ARFGEF1: variants seen among roughly 807,000 people sequenced by gnomAD.
ARFGEF1 encodes the protein ARF guanine nucleotide exchange factor 1, also known as brefeldin A-inhibited guanine nucleotide-exchange protein 1.
Under a neutral mutation model 231.0 loss-of-function variants are expected in ARFGEF1, and 42 were observed. The observed-to-expected ratio is 0.18, with a 90% CI of 0.14 to 0.24. ARFGEF1 has a LOEUF of 0.24. Ranked by LOEUF, ARFGEF1 falls within the 10% of genes least tolerant of loss-of-function variation. The probability of loss-of-function intolerance (pLI) is 1.00; values close to 1 mark genes in which losing one functional copy is unlikely to be tolerated. For missense variants in ARFGEF1, 1,345 were observed against 2,192.0 expected, an observed-to-expected ratio of 0.61 and a Z score of 7.72; for synonymous variants, 710 against 732.3, an observed-to-expected ratio of 0.97 and a Z score of 0.49.
intron 9 of ARFGEF1, among the ~76,000 whole-genome samples, chr8:67,275,565 TAC>T (rs1158501961): frequency 6.6e-6 from 1 of 152,096 alleles, no homozygotes; most frequent in Non-Finnish European, 1.5e-5. Context: ...AGGGCTGGGA[TAC>T]AGGGTTACAT....
intron 1 of ARFGEF1, among the ~76,000 whole-genome samples, chr8:67,335,642 TG>T (rs1233100489): frequency 6.6e-6 from 1 of 152,228 alleles, no homozygotes; most frequent in South Asian, 2.1e-4. Context: ...GTTAAACAGC[TG>T]ATTAAATGAA....
intron 6 of ARFGEF1, 143 bp from the exon 7 acceptor site, chr8:67,288,208 T>C (rs958707536): frequency 4.0e-6 from 2 of 496,420 alleles, no homozygotes; most frequent in Non-Finnish European, 7.0e-6. Context: ...GAAGCAATTA[T>C]ATGCTAAACC....
At chr8:67,184,356 C>T (rs1286649284) in intron 5 of ARFGEF1, among the ~76,000 whole-genome samples, 1 of 152,150 alleles carries the variant, frequency 6.6e-6, no homozygotes, top group Non-Finnish European at 1.5e-5. Flanking sequence ...TAGAGAAAAT[C>T]AATGAAACCA....
At chr8:67,231,528 A>G (rs1251215947) in intron 23 of ARFGEF1, among the ~76,000 whole-genome samples, 1 of 152,112 alleles carries the variant, frequency 6.6e-6, no homozygotes, top group Non-Finnish European at 1.5e-5. Flanking sequence ...ATGTGGTCAT[A>G]TAAAGTACAT....
At chr8:67,206,514 T>A (rs1422837500) in intron 34 of ARFGEF1, among the ~76,000 whole-genome samples, 1 of 151,190 alleles carries the variant, frequency 6.6e-6, no homozygotes, top group African/African-American at 2.4e-5. Flanking sequence ...TCATCAGCTA[T>A]ACACAGTCAC....
At chr8:67,263,111 A>G (rs1161520800) in intron 14 of ARFGEF1, among the ~76,000 whole-genome samples, 1 of 152,096 alleles carries the variant, frequency 6.6e-6, no homozygotes, top group East Asian at 1.9e-4. Context: ...CTCTGCTCCC[A>G]TATATCATAT....
intron 7 of ARFGEF1, among the ~76,000 whole-genome samples, chr8:67,286,666 T>C (rs1302863209): frequency 1.3e-5 from 2 of 152,328 alleles, no homozygotes; most frequent in East Asian, 3.9e-4. Flanking sequence ...CACGGGCATG[T>C]ACTGCTATTT....
intron 7 of ARFGEF1, among the ~76,000 whole-genome samples, chr8:67,281,491 C>A (rs775509099): frequency 6.6e-6 from 1 of 151,222 alleles, no homozygotes; most frequent in Non-Finnish European, 1.5e-5. Context: ...AAAACAAAAG[C>A]AATCATCAAA....
intron 20 of ARFGEF1, among the ~76,000 whole-genome samples, chr8:67,239,868 A>G (rs1436268706): frequency 3.3e-5 from 5 of 152,194 alleles, no homozygotes; most frequent in Non-Finnish European, 1.5e-5. Context: ...CGTTTAAACA[A>G]GATGTTCAAA....
rs376685033 is a variant in ARFGEF1, at chr8:67,343,314, G to C, written c.-27C>G. 3 of 1,604,038 alleles carry C rather than the reference G, an allele frequency of 1.9e-6. No individual in the cohort carries two copies. The highest frequency in any genetic ancestry group is 2.2e-5 in the East Asian group (1 of 44,464). On this transcript the variant is annotated 5_prime_UTR_variant, in exon 1 of 39. Coordinates refer to ENST00000262215, the MANE Select transcript of ARFGEF1 (RefSeq NM_006421.5). Reference sequence around the variant, plus strand: ...GACGCAGAGAAGGAGGCGGCGGCTCGTCCGACCCGCGGCTCCCAGCGGCTG... The same window carrying C: ...GACGCAGAGAAGGAGGCGGCGGCTCCTCCGACCCGCGGCTCCCAGCGGCTG...
At chr8:67,323,705 T>C (rs905098776) in intron 1 of ARFGEF1, among the ~76,000 whole-genome samples, 2 of 152,210 alleles carry the variant, frequency 1.3e-5, no homozygotes, top group Non-Finnish European at 2.9e-5. Flanking sequence ...CTTTCCATAT[T>C]CAGTGCCTCA....
intron 38 of ARFGEF1, chr8:67,199,903 TC>T (rs1234723051): frequency 4.3e-6 from 1 of 231,062 alleles, no homozygotes; most frequent in African/African-American, 2.2e-5. Context: ...GTGTATTTTA[TC>T]TTTATTTCTA....
At chr8:67,266,296 G>T in intron 13 of ARFGEF1, 89 bp from the exon 14 acceptor site, 4 of 952,282 alleles carry the variant, frequency 4.2e-6, no homozygotes, top group Non-Finnish European at 4.8e-6. Flanking sequence ...AAGGCAAGGC[G>T]TTTCAATGTT....
chr8:67,315,011 C>A (rs1807240156), intron 1 of ARFGEF1, among the ~76,000 whole-genome samples: 1 of 152,000 alleles, frequency 6.6e-6, no homozygotes, highest in Non-Finnish European at 1.5e-5. Context: ...AGAGCAAGAC[C>A]CTGTCTCTTA....
Position 67,227,466 on chromosome 8 carries a change from G to T in ARFGEF1, c.3724C>A (p.His1242Asn). The change falls in exon 26 of 39, where the codon CAT becomes AAT. Residue 1242 changes from histidine (H) to asparagine (N), a missense_variant. By Grantham distance (68) the His-to-Asn change is moderately conservative. This residue lies in a region of ARFGEF1 where 142 missense variants were observed against 227.3 expected (regional missense o/e 0.62). Transcript: ENST00000262215. ...FQKDFLRPFE[H>N]IMKRNRSPTI... Reference sequence around the variant, plus strand: ...TAGTACCTGTTCCGTTTCATTATATGTTCAAAAGGTCTTAAGAAATCCTTC... The same window carrying T: ...TAGTACCTGTTCCGTTTCATTATATTTTCAAAAGGTCTTAAGAAATCCTTC... The T allele has an allele frequency of 6.2e-7, 1 of 1,612,746 alleles. No homozygotes were observed. The highest frequency in any genetic ancestry group is 8.5e-7 in the Non-Finnish European group (1 of 1,179,238).
chr8:67,339,075 T>G (rs985443099), intron 1 of ARFGEF1, among the ~76,000 whole-genome samples: 5 of 152,198 alleles, frequency 3.3e-5, no homozygotes, highest in Non-Finnish European at 5.9e-5. Context: ...AGTTTGAGTC[T>G]CAATATTGTA....
In ARFGEF1 at chr8:67,222,289, A is replaced by G. The variant is rs190294570; in HGVS notation, c.4208+2614T>C. Among the ~76,000 whole-genome samples, 369 of 133,660 alleles carry G rather than the reference A, an allele frequency of 2.8e-3. 6 individuals are homozygous for G. The East Asian group carries it at 0.06, about 22-fold the overall frequency. 87.7% of individuals were successfully genotyped at this position (133,660 alleles called of 152,430 possible). On this transcript the variant is annotated intron_variant, in intron 29 of 38. Transcript: ENST00000262215. Reference sequence around the variant, plus strand: ...TATGTATTTTTTTTTTTTTTGAGACAGAGTCTTATACTGTCACCCTGGCTG... The same window carrying G: ...TATGTATTTTTTTTTTTTTTGAGACGGAGTCTTATACTGTCACCCTGGCTG...
intron 1 of ARFGEF1, among the ~76,000 whole-genome samples, chr8:67,318,364 T>G (rs926388222): frequency 6.6e-6 from 1 of 151,170 alleles, no homozygotes; most frequent in Non-Finnish European, 1.5e-5. Flanking sequence ...AACCTAGCAA[T>G]AGAGGAGAAT....
chr8:67,317,609 T>TA (rs113373370), intron 1 of ARFGEF1, among the ~76,000 whole-genome samples: 244 of 127,528 alleles, frequency 1.9e-3, no homozygotes, highest in East Asian at 0.015. Context: ...AACTAATATT[T>TA]AAAAAAAAAA....
Sources: allele counts gnomAD v4.1 joint callset (sites outside exome capture counted in the v4.1 genomes callset), GRCh38; gene constraint gnomAD v4.1.1; regional missense constraint gnomAD v4.1.1; transcripts MANE v1.5; gene names NCBI Gene and HGNC (gene_info 2026-07-23, HGNC 2026-07-21).